The following CELSR1 variants were observed in gnomAD, a reference collection of about 807,000 sequenced individuals.
The protein encoded by CELSR1 is cadherin EGF LAG seven-pass G-type receptor 1, also known as adhesion G protein-coupled receptor C1.
Under a neutral mutation model 249.1 loss-of-function variants are expected in CELSR1, and 110 were observed. The ratio of observed to expected loss-of-function variants is 0.44; its 90% CI spans 0.38 to 0.52. The LOEUF is 0.52. Among genes scored for constraint, CELSR1 ranks in the 20% least tolerant of loss-of-function variants. The pLI is 0.00. For synonymous variants in CELSR1, 2,113 were observed against 1,900.0 expected (o/e 1.11, Z -2.92); for missense variants, 4,109 against 4,296.4 (o/e 0.96, Z 1.22).
At chr22:46,425,591 C>T (rs1238548485) in intron 5 of CELSR1, among the ~76,000 whole-genome samples, 2 of 152,010 alleles carry the variant, frequency 1.3e-5, no homozygotes, top group African/African-American at 2.4e-5. Flanking sequence ...TTAATTATTC[C>T]CTTATTACCC....
In CELSR1 at chr22:46,485,298, G is replaced by A. The variant is rs117572552; in HGVS notation, c.3545-20953C>T. ...AACAAAAACTCTCACCTCACATTGG[G>A]TTCTGCTGGAAGACAAGCCCTCCAT... On this transcript the variant is annotated intron_variant, in intron 1 of 34. Transcript: ENST00000674500. Among the ~76,000 whole-genome samples, 81 of 152,230 alleles carry A rather than the reference G, an allele frequency of 5.3e-4. No individual in the cohort carries two copies. The East Asian group carries it at 0.014, about 27-fold the overall frequency.
chr22:46,375,378 ACTC>A (rs1555906184), intron 24 of CELSR1, among the ~76,000 whole-genome samples: 1 of 149,664 alleles, frequency 6.7e-6, no homozygotes, highest in African/African-American at 2.5e-5. Flanking sequence ...AACTCCCCTG[ACTC>A]CTCCTTCCTG....
rs2080853400 is a variant in CELSR1 at position 46,536,198 on chromosome 22, C to A, written c.973G>T (p.Ala325Ser). 6.2e-7 allele frequency: 1 copy of A among 1,612,668 alleles called. No individual in the cohort carries two copies. The highest frequency in any genetic ancestry group is 8.5e-7 in the Non-Finnish European group (1 of 1,179,994). The change falls in exon 1 of 35, where the codon GCC (alanine) becomes TCC (serine). Residue 325 changes from alanine (A) to serine (S), a missense_variant. Ala to Ser is a moderately conservative substitution (Grantham distance 99, BLOSUM62 1). This residue lies in a region of CELSR1 where 673 missense variants were observed against 636.8 expected (regional missense o/e 1.06). Transcript: ENST00000674500. Reference protein sequence around the residue: ...TKETHVLRVKAVDYSTPPRSA... With the variant: ...TKETHVLRVKSVDYSTPPRSA... ...CGCGGCGGCGTACTGTAGTCCACGG[C>A]TTTCACCCTGAGGACGTGCGTCTCC...
rs1472040321 is a variant in CELSR1 at position 46,493,375 on chromosome 22, A to G, written c.3545-29030T>C. ...ATCCTGGCTAACATGGTGAAAACCC[A>G]TCTCTACTAAAAATACAAAAATTAG... On this transcript the variant is annotated intron_variant, in intron 1 of 34. Coordinates refer to ENST00000674500, the MANE Select transcript of CELSR1 (RefSeq NM_001378328.1). 4.6e-5 allele frequency among the ~76,000 whole-genome samples: 7 copies of G among 152,006 alleles called. No homozygotes were observed. In the East Asian group the frequency reaches 1.4e-3, roughly 29 times the overall value.
At chr22:46,505,872 G>A (rs1469044737) in intron 1 of CELSR1, among the ~76,000 whole-genome samples, 1 of 151,970 alleles carries the variant, frequency 6.6e-6, no homozygotes, top group East Asian at 1.9e-4. Flanking sequence ...ACCCATCCTT[G>A]CCTTCCCGTC....
Position 46,445,810 on chromosome 22 carries a change from G to C in CELSR1, c.4184-6399C>G, listed in dbSNP as rs1166817783. On this transcript the variant is annotated intron_variant, in intron 2 of 34. Transcript: ENST00000674500. This position sits in a 1 kb window ranked among gnomAD's most constrained non-coding sequence, Gnocchi z 4.4. The stretch of plus-strand genomic sequence containing the variant: ...AGGTGGAAGCGTCCAGGACTCCCCG[G>C]GTGCTGTTCTCCCTGCTTGCAGGAG... Among the ~76,000 whole-genome samples the C allele has an allele frequency of 6.6e-6, 1 of 152,110 alleles. No homozygotes were observed. The highest frequency in any genetic ancestry group is 1.5e-5 in the Non-Finnish European group (1 of 68,016).
intron 1 of CELSR1, among the ~76,000 whole-genome samples, chr22:46,531,833 G>A (rs12628400): frequency 2.0e-5 from 3 of 152,206 alleles, no homozygotes; most frequent in Admixed American, 6.5e-5. Context: ...ACTGTCATCC[G>A]GGTGTGTGTT....
rs1053163120 is a variant in CELSR1 at position 46,518,075 on chromosome 22, T to G, written c.3544+15552A>C. 1.3e-5 allele frequency among the ~76,000 whole-genome samples: 2 copies of G among 152,068 alleles called. No individual in the cohort carries two copies. The highest frequency in any genetic ancestry group is 4.8e-5 in the African/African-American group (2 of 41,376). ...GTGCCACCACACCCGGGTAATTTTT[T>G]TGTGTTTTTAGTAGAGATGGGGTTT... On this transcript the variant is annotated intron_variant, in intron 1 of 34. Transcript: ENST00000674500. The surrounding 1 kb of genome is among the most constrained non-coding windows in gnomAD (Gnocchi z 5.2).
rs377639775 is a variant in CELSR1 at position 46,367,019 on chromosome 22, C to T, written c.8179G>A (p.Ala2727Thr). The T allele has an allele frequency of 4.0e-5, 65 of 1,610,290 alleles. No homozygotes were observed. The highest frequency in any genetic ancestry group is 1.3e-4 in the African/African-American group (10 of 74,970). ...GTCAGCAGGGTGGCCCTGGTGGTGGCGGAGTCCTCCAGGTGCAGCTTCCTC... is the reference window on the plus strand; with the variant it reads ...GTCAGCAGGGTGGCCCTGGTGGTGGTGGAGTCCTCCAGGTGCAGCTTCCTC... ...GGRKLHLEDS[A>T]TTRATLLTRS... The change falls in exon 29 of 35, where the codon GCC (alanine) becomes ACC (threonine). Residue 2727 changes from alanine (A) to threonine (T), a missense_variant. Physicochemically the swap from Ala to Thr is moderately conservative, Grantham distance 58. This residue lies in a region of CELSR1 where 1,805 missense variants were observed against 1,831.6 expected (regional missense o/e 0.99). Coordinates refer to ENST00000674500, the MANE Select transcript of CELSR1 (RefSeq NM_001378328.1).
Position 46,381,726 on chromosome 22 carries a change from G to A in CELSR1, c.7088+120C>T. The A allele has an allele frequency of 2.1e-6, 2 of 940,128 alleles. No individual in the cohort carries two copies. The highest frequency in any genetic ancestry group is 3.1e-6 in the Non-Finnish European group (2 of 639,802). The allele number at this position is 940,128 out of a possible 1,614,324, so 58.2% of individuals were successfully genotyped here. On this transcript the variant is annotated intron_variant, in intron 21 of 34. Coordinates refer to ENST00000674500, the MANE Select transcript of CELSR1 (RefSeq NM_001378328.1). This position sits in a 1 kb window ranked among gnomAD's most constrained non-coding sequence, Gnocchi z 6.0. Reference sequence around the variant, plus strand: ...GCAATGGTCTCTGTCTCTGGGCCAGGGTCACGGTGAAATGTCACTGTGAAG... The same window carrying A: ...GCAATGGTCTCTGTCTCTGGGCCAGAGTCACGGTGAAATGTCACTGTGAAG...
In CELSR1 at chr22:46,432,373, C is replaced by T. The variant is rs187115786; in HGVS notation, c.4611+1020G>A. Among the ~76,000 whole-genome samples, 242 of 152,276 alleles carry T rather than the reference C, an allele frequency of 1.6e-3. 1 individual carries two copies. Among genetic ancestry groups the T allele is most frequent in the South Asian group, 3.9e-3 (19 of 4,828 alleles). On this transcript the variant is annotated intron_variant, in intron 5 of 34. Transcript: ENST00000674500. ...TGCTCTCTCCATAGAAGGACTGGGT[C>T]GATTCTCCTGGAGGACAGAGGAGCC...
rs2079563389 is a variant in CELSR1, at chr22:46,428,802, T to TCA, written c.4611+4589_4611+4590dup. ...CTCACTGCCTCACTGCACAGCTCAC[T>TCA]CACGGGTCCCCAGCGGGCCACACTG... is the stretch of plus-strand genomic sequence containing the variant. On this transcript the variant is annotated intron_variant, in intron 5 of 34. Transcript: ENST00000674500. The surrounding 1 kb of genome is among the most constrained non-coding windows in gnomAD (Gnocchi z 5.7). 6.6e-6 allele frequency among the ~76,000 whole-genome samples: 1 copy of TCA among 152,148 alleles called. No individual in the cohort carries two copies. Among genetic ancestry groups the TCA allele is most frequent in the Non-Finnish European group, 1.5e-5 (1 of 68,028 alleles).
rs1192521473 is a variant in CELSR1 at position 46,473,880 on chromosome 22, C to T, written c.3545-9535G>A. On this transcript the variant is annotated intron_variant, in intron 1 of 34. Coordinates refer to ENST00000674500, the MANE Select transcript of CELSR1 (RefSeq NM_001378328.1). This position sits in a 1 kb window ranked among gnomAD's most constrained non-coding sequence, Gnocchi z 6.6. ...CAACAGGTGCGATGTGTTGATCCTG[C>T]TACCTGAGGGCGTGTGGCTTTTCTC... 6.6e-6 allele frequency among the ~76,000 whole-genome samples: 1 copy of T among 152,106 alleles called. No homozygotes were observed. The highest frequency in any genetic ancestry group is 2.4e-5 in the African/African-American group (1 of 41,398).
rs1051570159 is a variant in CELSR1, at chr22:46,430,004, T to C, written c.4611+3389A>G. On this transcript the variant is annotated intron_variant, in intron 5 of 34. Transcript: ENST00000674500. This position sits in a 1 kb window ranked among gnomAD's most constrained non-coding sequence, Gnocchi z 4.6. Reference sequence around the variant, plus strand: ...TGCTTCCTGTGGGGACCCTGACTGCTCCACCAGCCTGGCAGCTCCCAGGCC... The same window carrying C: ...TGCTTCCTGTGGGGACCCTGACTGCCCCACCAGCCTGGCAGCTCCCAGGCC... Among the ~76,000 whole-genome samples, 4 of 152,170 alleles carry C rather than the reference T, an allele frequency of 2.6e-5. No homozygotes were observed. Among genetic ancestry groups the C allele is most frequent in the Non-Finnish European group, 4.4e-5 (3 of 68,016 alleles).
intron 5 of CELSR1, among the ~76,000 whole-genome samples, chr22:46,419,738 A>G (rs2079443546): frequency 6.6e-6 from 1 of 151,792 alleles, no homozygotes; most frequent in African/African-American, 2.4e-5. Flanking sequence ...ACTCACCCAC[A>G]CTCGTGCATA....
intron 1 of CELSR1, among the ~76,000 whole-genome samples, chr22:46,479,665 AC>A (rs1342154861): frequency 6.6e-6 from 1 of 152,162 alleles, no homozygotes. Flanking sequence ...TATTTTTAAA[AC>A]CAAACCACTA....
At position 46,386,608 on chromosome 22, in the gene CELSR1, G is replaced by C. The variant is rs893011086; in HGVS notation, c.6556-23C>G. 11 of 1,546,996 alleles carry C rather than the reference G, an allele frequency of 7.1e-6. 1 individual carries two copies. The Admixed American group carries it at 2.3e-4, about 32-fold the overall frequency. On this transcript the variant is annotated intron_variant, in intron 18 of 34. Transcript: ENST00000674500. Reference sequence around the variant, plus strand: ...GTCCTGGTCAGACAGACAGCACTCAGTACTCAGCCTGCGGAGGCCTGGCTC... The same window carrying C: ...GTCCTGGTCAGACAGACAGCACTCACTACTCAGCCTGCGGAGGCCTGGCTC...
rs1482941257 is a variant in CELSR1 at position 46,434,046 on chromosome 22, A to C, written c.4523-565T>G. Among the ~76,000 whole-genome samples, 1 of 152,252 alleles carries C rather than the reference A, an allele frequency of 6.6e-6. No individual in the cohort carries two copies. Among genetic ancestry groups the C allele is most frequent in the Non-Finnish European group, 1.5e-5 (1 of 68,044 alleles). Reference sequence around the variant, plus strand: ...AAACCCATCTGTCTGTACCAGCAGCAGTCACACCTACACCGCACCAGAGGT... The same window carrying C: ...AAACCCATCTGTCTGTACCAGCAGCCGTCACACCTACACCGCACCAGAGGT... On this transcript the variant is annotated intron_variant, in intron 4 of 34. Transcript: ENST00000674500. This position sits in a 1 kb window ranked among gnomAD's most constrained non-coding sequence, Gnocchi z 4.9.
In CELSR1 at chr22:46,385,386, C is replaced by T. The variant is rs557155206; in HGVS notation, c.6740-700G>A. ...CTGGGATTACAGGTGTGAACTACCA[C>T]GCCCAGCTGACTGACCATCTTTAGA... is the stretch of plus-strand genomic sequence containing the variant. On this transcript the variant is annotated intron_variant, in intron 19 of 34. Coordinates refer to ENST00000674500, the MANE Select transcript of CELSR1 (RefSeq NM_001378328.1). Among the ~76,000 whole-genome samples the T allele has an allele frequency of 1.2e-4, 19 of 152,346 alleles. 1 individual carries two copies. The South Asian group carries it at 2.5e-3, about 20-fold the overall frequency.
Sources: allele counts gnomAD v4.1 joint callset (sites outside exome capture counted in the v4.1 genomes callset), GRCh38; gene constraint gnomAD v4.1.1; regional missense constraint gnomAD v4.1.1; non-coding constraint Gnocchi (gnomAD v3.1); transcripts MANE v1.5; gene names NCBI Gene and HGNC (gene_info 2026-07-23, HGNC 2026-07-21).